NPAS3: variants seen among roughly 807,000 people sequenced by gnomAD.
The protein encoded by NPAS3 is neuronal PAS domain-containing protein 3.
A neutral mutation model predicts 73.1 loss-of-function variants in NPAS3; 14 were observed. The observed-to-expected ratio is 0.19, with a 90% CI of 0.13 to 0.30. NPAS3 has a LOEUF of 0.30. Ranked by LOEUF, NPAS3 falls within the 10% of genes least tolerant of loss-of-function variation. The pLI is 1.00. For synonymous variants in NPAS3, 620 were observed against 541.5 expected (o/e 1.14, Z -2.01); for missense variants, 1,096 against 1,250.0 (o/e 0.88, Z 1.86).
intron 1 of NPAS3, 106 bp from the exon 2 acceptor site, chr14:33,055,799 G>GTCGA: frequency 1.5e-6 from 1 of 662,244 alleles, no homozygotes; most frequent in Non-Finnish European, 2.7e-6. Context: ...GAGCTCAAAA[G>GTCGA]CGTAAAAAGC....
At chr14:33,374,484 GT>G (rs35653493) in intron 4 of NPAS3, among the ~76,000 whole-genome samples, 4 of 151,276 alleles carry the variant, frequency 2.6e-5, no homozygotes, top group Non-Finnish European at 4.4e-5. Context: ...TCTACCAGAA[GT>G]TTTTTTTAAA....
intron 5 of NPAS3, among the ~76,000 whole-genome samples, chr14:33,630,121 C>G (rs1386162983): frequency 2.0e-5 from 3 of 152,068 alleles, no homozygotes; most frequent in Non-Finnish European, 2.9e-5. Context: ...ACTTTGTCTC[C>G]CCACATGTAT....
intron 3 of NPAS3, among the ~76,000 whole-genome samples, chr14:33,290,903 A>T (rs1366916440): frequency 1.3e-5 from 2 of 152,196 alleles, no homozygotes; most frequent in African/African-American, 4.8e-5. Flanking sequence ...GTTTCTAAAG[A>T]TATACACAGA....
intron 3 of NPAS3, among the ~76,000 whole-genome samples, chr14:33,289,289 T>C (rs776950604): frequency 6.6e-5 from 10 of 152,178 alleles, no homozygotes; most frequent in Admixed American, 2.0e-4. Context: ...GCCTTTGCAT[T>C]TGACCATGAT....
rs141037628 is a variant in NPAS3 at position 33,436,059 on chromosome 14, C to A, written c.468+68791C>A. On this transcript the variant is annotated intron_variant, in intron 4 of 11. Transcript: ENST00000356141. ...GAGGAGTCAGGCACATTTCTAAGAA[C>A]CAAATATCCTTTGACTCATTTCTTT... Among the ~76,000 whole-genome samples the A allele has an allele frequency of 4.0e-4, 61 of 152,276 alleles. 2 individuals carry two copies. Among genetic ancestry groups the A allele is most frequent in the African/African-American group, 1.4e-3 (58 of 41,556 alleles).
At chr14:32,961,482 G>T (rs565313787) in intron 1 of NPAS3, among the ~76,000 whole-genome samples, 1 of 151,632 alleles carries the variant, frequency 6.6e-6, no homozygotes, top group South Asian at 2.1e-4. Context: ...TATTGGTCCT[G>T]CTGTTTTCAC....
At chr14:33,196,615 G>A (rs2046364569) in intron 2 of NPAS3, among the ~76,000 whole-genome samples, 1 of 152,208 alleles carries the variant, frequency 6.6e-6, no homozygotes. Context: ...ACACACAATA[G>A]CTGTTGAGCT....
intron 1 of NPAS3, among the ~76,000 whole-genome samples, chr14:33,043,774 T>C (rs530906485): frequency 9.9e-5 from 15 of 152,000 alleles, no homozygotes; most frequent in Non-Finnish European, 1.8e-4. Context: ...TCAGAGCAGT[T>C]CAGATTTAAA....
At chr14:33,115,219 T>A (rs144241858) in intron 2 of NPAS3, among the ~76,000 whole-genome samples, 87 of 152,232 alleles carry the variant, frequency 5.7e-4, no homozygotes, top group Admixed American at 1.2e-3. Flanking sequence ...TTCACTTTGA[T>A]AGTTGGTGGG....
intron 3 of NPAS3, among the ~76,000 whole-genome samples, chr14:33,250,955 T>A (rs538770624): frequency 6.6e-6 from 1 of 152,270 alleles, no homozygotes; most frequent in African/African-American, 2.4e-5. Flanking sequence ...GATGTATTTA[T>A]ACTTCTCAAA....
chr14:33,366,019 G>A (rs2045824624), intron 3 of NPAS3, among the ~76,000 whole-genome samples: 1 of 152,292 alleles, frequency 6.6e-6, no homozygotes, highest in African/African-American at 2.4e-5. Context: ...AAAAAAAGCA[G>A]GAAGATATGG....
chr14:33,129,161 T>C (rs2043542992), intron 2 of NPAS3, among the ~76,000 whole-genome samples: 1 of 152,140 alleles, frequency 6.6e-6, no homozygotes, highest in Admixed American at 6.6e-5. Flanking sequence ...CACTCACTGA[T>C]TGAAACAAAT....
intron 1 of NPAS3, among the ~76,000 whole-genome samples, chr14:32,987,561 T>C (rs953805271): frequency 2.0e-5 from 3 of 152,200 alleles, no homozygotes; most frequent in Non-Finnish European, 4.4e-5. Flanking sequence ...GAATTGGATT[T>C]TGAAAATTAG....
intron 2 of NPAS3, among the ~76,000 whole-genome samples, chr14:33,125,446 T>C (rs976767289): frequency 6.6e-6 from 1 of 151,856 alleles, no homozygotes; most frequent in Non-Finnish European, 1.5e-5. Flanking sequence ...GATTTTTTTT[T>C]CCTGACAATT....
chr14:33,574,630 A>T (rs1272764012), intron 5 of NPAS3, among the ~76,000 whole-genome samples: 1 of 151,964 alleles, frequency 6.6e-6, no homozygotes, highest in African/African-American at 2.4e-5. Context: ...AGGGAGAGAA[A>T]GTGTTGATGG....
chr14:33,258,959 G>A (rs887671104), intron 3 of NPAS3, among the ~76,000 whole-genome samples: 7 of 152,076 alleles, frequency 4.6e-5, no homozygotes, highest in African/African-American at 7.2e-5. Context: ...GACTACAGGC[G>A]CCCGCCACCA....
At chr14:33,467,173 C>G (rs1211494689) in intron 4 of NPAS3, among the ~76,000 whole-genome samples, 1 of 152,204 alleles carries the variant, frequency 6.6e-6, no homozygotes, top group Non-Finnish European at 1.5e-5. Flanking sequence ...CGCCTGTGTG[C>G]ATGCCCTCAG....
At chr14:33,093,989 G>T (rs558486973) in intron 2 of NPAS3, among the ~76,000 whole-genome samples, 16 of 151,976 alleles carry the variant, frequency 1.1e-4, no homozygotes, top group Middle Eastern at 6.8e-3. Context: ...GAAGGGGGAG[G>T]GATAGCATTA....
chr14:32,942,992 A>G (rs1306976281), intron 1 of NPAS3, among the ~76,000 whole-genome samples: 1 of 152,230 alleles, frequency 6.6e-6, no homozygotes, highest in African/African-American at 2.4e-5. Context: ...CTCCAGAGCC[A>G]GGAGTTATAA....
Sources: gnomAD v4.1 joint callset for allele counts (sites outside exome capture counted in the v4.1 genomes callset) on GRCh38, gnomAD v4.1.1 for gene constraint, MANE v1.5 for transcripts, NCBI Gene and HGNC (gene_info 2026-07-23, HGNC 2026-07-21) for gene names.